Variants in CNGA1 observed in about 807,000 individuals in gnomAD.
CNGA1 encodes cyclic nucleotide gated channel subunit alpha 1.
CNGA1 carries 53 observed loss-of-function variants against 69.7 expected under a neutral mutation model. That is an observed-to-expected ratio of 0.76 (90% CI 0.61 to 0.96). The LOEUF (loss-of-function observed/expected upper bound fraction) is 0.96, where lower values mean the gene tolerates loss of function less well. CNGA1 is among the 40% of genes least tolerant of loss of function. CNGA1 has a pLI of 0.00. For missense variants in CNGA1, 739 were observed against 811.2 expected, an observed-to-expected ratio of 0.91 and a Z score of 1.08; for synonymous variants, 249 against 283.5, an observed-to-expected ratio of 0.88 and a Z score of 1.22.
chr4:47,978,390 A>G lies in CNGA1; in HGVS notation c.-15+3003T>C, dbSNP rs73814635. Among the ~76,000 whole-genome samples, 897 of 152,142 alleles carry G rather than the reference A, an allele frequency of 5.9e-3. 5 individuals are homozygous for G. The highest frequency in any genetic ancestry group is 0.021 in the African/African-American group (874 of 41,512). On this transcript the variant is annotated intron_variant, in intron 3 of 10. Coordinates refer to ENST00000514170, the MANE Select transcript of CNGA1 (RefSeq NM_001379270.1). ...AAAATTTACCTTGTATGTCTTTGTA[A>G]TTTTTATTAAATAAGCTAGGCACAT...
chr4:47,988,541 G>A (rs1051774090), intron 2 of CNGA1, among the ~76,000 whole-genome samples: 1 of 151,936 alleles, frequency 6.6e-6, no homozygotes, highest in African/African-American at 2.4e-5. Context: ...TAATAATAAT[G>A]AAATAAACAA....
In CNGA1 at chr4:47,937,061, C is replaced by T. The variant is rs759487836; in HGVS notation, c.1421G>A (p.Arg474His). The T allele has an allele frequency of 2.0e-5, 32 of 1,614,042 alleles. No individual in the cohort carries two copies. Among genetic ancestry groups the T allele is most frequent in the South Asian group, 5.5e-5 (5 of 91,086 alleles). Residue 474 changes from arginine to histidine, a missense_variant, in exon 11 of 11, where the codon CGC becomes CAC. Coordinates refer to ENST00000514170, the MANE Select transcript of CNGA1 (RefSeq NM_001379270.1). Reference protein sequence around the residue: ...NVHLDTLKKVRIFADCEAGLL... With the variant: ...NVHLDTLKKVHIFADCEAGLL... ...ACCAGCTTCACAATCAGCAAAAATGCGTACCTTTTTTAATGTGTCTAAGTG... is the reference window on the plus strand; with the variant it reads ...ACCAGCTTCACAATCAGCAAAAATGTGTACCTTTTTTAATGTGTCTAAGTG...
At chr4:47,972,235 A>G (rs980443626) in intron 3 of CNGA1, among the ~76,000 whole-genome samples, 4 of 152,194 alleles carry the variant, frequency 2.6e-5, no homozygotes, top group Non-Finnish European at 5.9e-5. Flanking sequence ...TAAATACATA[A>G]TATTTTGTTC....
intron 2 of CNGA1, among the ~76,000 whole-genome samples, chr4:47,994,560 C>T (rs1742403011): frequency 6.6e-6 from 1 of 152,000 alleles, no homozygotes; most frequent in Admixed American, 6.6e-5. Flanking sequence ...TTATGTGAGT[C>T]CTTATGTGTT....
chr4:47,982,354 T>C lies in CNGA1; in HGVS notation c.-122-854A>G, dbSNP rs74746165. Among the ~76,000 whole-genome samples, 4 of 152,334 alleles carry C rather than the reference T, an allele frequency of 2.6e-5. No homozygotes were observed. In the East Asian group the frequency reaches 7.7e-4, roughly 29 times the overall value. Reference sequence around the variant, plus strand: ...AACCGAGTAACACTTATTGCCTCAGTTGAATGGTTTCAGCTCCAGTAGCGT... The same window carrying C: ...AACCGAGTAACACTTATTGCCTCAGCTGAATGGTTTCAGCTCCAGTAGCGT... On this transcript the variant is annotated intron_variant, in intron 2 of 10. Transcript: ENST00000514170.
Position 48,000,472 on chromosome 4 carries a change from C to T in CNGA1, c.-123+10322G>A, listed in dbSNP as rs546846076. Among the ~76,000 whole-genome samples the T allele has an allele frequency of 1.3e-3, 194 of 151,948 alleles. 1 individual carries two copies. The highest frequency in any genetic ancestry group is 4.2e-3 in the African/African-American group (175 of 41,414). On this transcript the variant is annotated intron_variant, in intron 2 of 10. Coordinates refer to ENST00000514170, the MANE Select transcript of CNGA1 (RefSeq NM_001379270.1). ...GCAACCTCCGCCTCCCAGTTTCAAG[C>T]GATTCTCATGCCTCAGCCTCCCAAG...
intron 3 of CNGA1, among the ~76,000 whole-genome samples, chr4:47,959,420 G>C (rs879310564): frequency 2.2e-5 from 3 of 136,142 alleles, no homozygotes; most frequent in Non-Finnish European, 3.4e-5. Flanking sequence ...CATTTTAAAA[G>C]TACATGGAGA....
At chr4:47,940,204 T>C (rs1738993348) in intron 10 of CNGA1, among the ~76,000 whole-genome samples, 2 of 152,206 alleles carry the variant, frequency 1.3e-5, no homozygotes, top group African/African-American at 4.8e-5. Flanking sequence ...TTTTACGTAA[T>C]GATTCTTAAA....
intron 2 of CNGA1, among the ~76,000 whole-genome samples, chr4:48,007,628 A>T (rs182657144): frequency 6.6e-6 from 1 of 152,180 alleles, no homozygotes; most frequent in East Asian, 1.9e-4. Flanking sequence ...AGTACTTTAA[A>T]ATCACATACA....
intron 6 of CNGA1, 22 bp from the exon 7 acceptor site, chr4:47,943,434 C>CTGTGATTA: frequency 2.2e-6 from 3 of 1,344,882 alleles, no homozygotes; most frequent in Non-Finnish European, 2.0e-6. Flanking sequence ...AATAATATAT[C>CTGTGATTA]TGTCACATAA....
chr4:47,982,646 T>C (rs1185107414), intron 2 of CNGA1, among the ~76,000 whole-genome samples: 2 of 152,252 alleles, frequency 1.3e-5, no homozygotes, highest in Non-Finnish European at 2.9e-5. Context: ...TCTGATTTTA[T>C]GTAATATTAT....
At chr4:47,983,252 CT>C (rs140123880) in intron 2 of CNGA1, among the ~76,000 whole-genome samples, 22,307 of 152,202 alleles carry the variant, frequency 0.15, 2,087 homozygotes, top group East Asian at 0.26. Context: ...TGTGTCCATC[CT>C]TTTATATCAT....
chr4:48,000,592 T>A (rs1714625420), intron 2 of CNGA1, among the ~76,000 whole-genome samples: 1 of 152,110 alleles, frequency 6.6e-6, no homozygotes, highest in East Asian at 1.9e-4. Flanking sequence ...GGTCTTGAAC[T>A]CCCGACCTCA....
At chr4:47,997,709 T>C (rs1440222) in intron 2 of CNGA1, among the ~76,000 whole-genome samples, 26,677 of 152,202 alleles carry the variant, frequency 0.18, 2,510 homozygotes, top group Middle Eastern at 0.24. Flanking sequence ...TTACAGATTG[T>C]AGTAATTTTT....
intron 3 of CNGA1, among the ~76,000 whole-genome samples, chr4:47,953,756 G>C (rs538325090): frequency 6.6e-6 from 1 of 152,134 alleles, no homozygotes; most frequent in Admixed American, 6.5e-5. Flanking sequence ...TATGATTTCT[G>C]TTCATGGTCC....
At chr4:47,993,611 A>G (rs1024407583) in intron 2 of CNGA1, among the ~76,000 whole-genome samples, 2 of 151,538 alleles carry the variant, frequency 1.3e-5, no homozygotes, top group African/African-American at 4.9e-5. Flanking sequence ...TGGTCTATCA[A>G]TTTTATTTAT....
rs529523430 is a variant in CNGA1, at chr4:47,937,357, C to A, written c.1125G>T (p.Val375=). ...PVRDSEYVFV[V]VDFLIGVLIF... is the part of the protein sequence containing the mutation. ...TTAACACTCCAATTAGGAAATCAAC[C>A]ACCACAAAGACATACTCAGAATCCC... Residue 375 remains valine, a synonymous_variant, in exon 11 of 11, where the codon GTG becomes GTT. Transcript: ENST00000514170. 1.2e-6 allele frequency: 2 copies of A among 1,614,092 alleles called. No homozygotes were observed. Among genetic ancestry groups the A allele is most frequent in the African/African-American group, 1.3e-5 (1 of 75,038 alleles).
intron 2 of CNGA1, among the ~76,000 whole-genome samples, chr4:48,003,276 T>C (rs761389182): frequency 2.0e-5 from 3 of 152,168 alleles, no homozygotes; most frequent in Non-Finnish European, 2.9e-5. Context: ...TTGCATTATT[T>C]TGAGTTTCTG....
At chr4:48,003,452 TC>T (rs35480647) in intron 2 of CNGA1, among the ~76,000 whole-genome samples, 1 of 151,752 alleles carries the variant, frequency 6.6e-6, no homozygotes, top group Non-Finnish European at 1.5e-5. Flanking sequence ...TTTCACATTT[TC>T]CCCCCTTTTC....
Sources: gnomAD v4.1 joint callset for allele counts (sites outside exome capture counted in the v4.1 genomes callset) on GRCh38, gnomAD v4.1.1 for gene constraint, MANE v1.5 for transcripts, NCBI Gene and HGNC (gene_info 2026-07-23, HGNC 2026-07-21) for gene names.